Variants in SART3 observed in about 807,000 individuals in gnomAD.
The protein encoded by SART3 is spliceosome associated factor 3, U4/U6 recycling protein.
A neutral mutation model predicts 122.3 loss-of-function variants in SART3; 44 were observed. That is an observed-to-expected ratio of 0.36 (90% confidence interval 0.28 to 0.46). SART3 has a LOEUF of 0.46. Ranked by LOEUF, SART3 falls within the 20% of genes least tolerant of loss-of-function variation. The probability of loss-of-function intolerance (pLI) is 1.00; values close to 1 mark genes in which losing one functional copy is unlikely to be tolerated. For missense variants in SART3, 1,101 were observed against 1,229.0 expected, an observed-to-expected ratio of 0.90 and a Z score of 1.56; for synonymous variants, 442 against 454.0, an observed-to-expected ratio of 0.97 and a Z score of 0.34.
At chr12:108,537,431 CA>C (rs1209120887) in intron 9 of SART3, 56 bp downstream of exon 9, 2 of 1,393,292 alleles carry the variant, frequency 1.4e-6, no homozygotes, top group African/African-American at 2.8e-5. Context: ...GACATCTCGC[CA>C]AAAGTTGTAT....
At chr12:108,525,979 G>C in intron 16 of SART3, 120 bp downstream of exon 16, 1 of 868,768 alleles carries the variant, frequency 1.2e-6, no homozygotes, top group Non-Finnish European at 1.8e-6. Context: ...TCACAAGGAA[G>C]TTTAGATCCA....
At chr12:108,539,205 A>G (rs933760970) in intron 6 of SART3, 116 bp from the exon 7 acceptor site, 2 of 996,312 alleles carry the variant, frequency 2.0e-6, no homozygotes, top group African/African-American at 1.6e-5. Flanking sequence ...CCAAATCCTC[A>G]CTCTCAGAAC....
chr12:108,552,971 T>C (rs2030070468), intron 1 of SART3, among the ~76,000 whole-genome samples: 1 of 152,036 alleles, frequency 6.6e-6, no homozygotes, highest in Non-Finnish European at 1.5e-5. Flanking sequence ...ATCAAGGCAG[T>C]GTGAGAATGG....
chr12:108,552,345 AAAGTCCTAT>A (rs1284383387), intron 1 of SART3, among the ~76,000 whole-genome samples: 1 of 152,146 alleles, frequency 6.6e-6, no homozygotes, highest in Non-Finnish European at 1.5e-5. Flanking sequence ...CTTTTCCAAC[AAAGTCCTAT>A]AAGTTCTAGC....
At chr12:108,543,506 A>G (rs1457417742) in intron 5 of SART3, among the ~76,000 whole-genome samples, 1 of 152,190 alleles carries the variant, frequency 6.6e-6, no homozygotes, top group Non-Finnish European at 1.5e-5. Flanking sequence ...AGTTGAGGAA[A>G]CTGAAGCAGA....
At chr12:108,534,655 A>T (rs1433310094) in intron 12 of SART3, among the ~76,000 whole-genome samples, 1 of 152,218 alleles carries the variant, frequency 6.6e-6, no homozygotes, top group Non-Finnish European at 1.5e-5. Context: ...AGCCTGGGCA[A>T]CAGAGTGAGA....
chr12:108,528,656 G>C (rs1463131785), intron 15 of SART3, among the ~76,000 whole-genome samples: 2 of 152,156 alleles, frequency 1.3e-5, no homozygotes, highest in Non-Finnish European at 2.9e-5. Flanking sequence ...AGAAGCAAGG[G>C]TGTCCATGCA....
chr12:108,541,333 G>T (rs1260510081), intron 6 of SART3, among the ~76,000 whole-genome samples: 2 of 151,964 alleles, frequency 1.3e-5, no homozygotes, highest in Non-Finnish European at 1.5e-5. Flanking sequence ...CTTGAACCTG[G>T]CGGGGCGGAA....
At chr12:108,538,913 A>G (rs1290071645) in intron 7 of SART3, 21 bp downstream of exon 7, 1 of 1,614,114 alleles carries the variant, frequency 6.2e-7, no homozygotes. Flanking sequence ...AAATAAAATG[A>G]AATTAGAACA....
intron 1 of SART3, 31 bp downstream of exon 1, chr12:108,560,812 G>A (rs562136613): frequency 1.3e-6 from 2 of 1,563,240 alleles, no homozygotes; most frequent in African/African-American, 2.7e-5. Flanking sequence ...TGAAAGACTG[G>A]AAGATGCCCG....
intron 1 of SART3, among the ~76,000 whole-genome samples, chr12:108,550,652 G>A (rs962103169): frequency 6.6e-5 from 10 of 152,172 alleles, no homozygotes; most frequent in African/African-American, 2.4e-4. Context: ...CATGAGGTCA[G>A]GAGTTCAAGA....
rs1470688764 is a variant in SART3, at chr12:108,544,853, C to A, written c.729+286G>T. On this transcript the variant is annotated intron_variant, in intron 4 of 18. Coordinates refer to ENST00000546815, the MANE Select transcript of SART3 (RefSeq NM_014706.4). ...CTGCTGGAATTACAAGCATGAGCCACCGCACTTGGCCAACTCTGGTTCTTT... is the reference window on the plus strand; with the variant it reads ...CTGCTGGAATTACAAGCATGAGCCAACGCACTTGGCCAACTCTGGTTCTTT... 5 of 573,108 alleles carry A rather than the reference C, an allele frequency of 8.7e-6. No individual in the cohort carries two copies. In the African/African-American group the frequency reaches 9.4e-5, roughly 11 times the overall value. 35.5% of individuals were successfully genotyped at this position (573,108 alleles called of 1,614,324 possible).
At chr12:108,528,701 C>T (rs1872514427) in intron 15 of SART3, among the ~76,000 whole-genome samples, 1 of 152,060 alleles carries the variant, frequency 6.6e-6, no homozygotes, top group Non-Finnish European at 1.5e-5. Context: ...GGAGACCAAA[C>T]AGGGTGGGGA....
chr12:108,543,157 T>G lies in SART3; in HGVS notation c.782-5A>C. 1 of 1,614,118 alleles carries G rather than the reference T, an allele frequency of 6.2e-7. No individual in the cohort carries two copies. The highest frequency in any genetic ancestry group is 1.3e-5 in the African/African-American group (1 of 75,054). The stretch of plus-strand genomic sequence containing the variant: ...CTGCAAATGTGGCCTCCATATCTAT[T>G]GAAAGATGGATTCAGCCCCGTGGGT... On this transcript the variant is annotated splice_region_variant and splice_polypyrimidine_tract_variant and intron_variant, in intron 5 of 18. Coordinates refer to ENST00000546815, the MANE Select transcript of SART3 (RefSeq NM_014706.4).
At chr12:108,535,223 A>G (rs1872851896) in intron 12 of SART3, 136 bp downstream of exon 12, 1 of 746,632 alleles carries the variant, frequency 1.3e-6, no homozygotes, top group Admixed American at 1.8e-5. Flanking sequence ...AAATGTACCC[A>G]CTACTGAAAG....
chr12:108,523,709 A>G (rs767924655), intron 18 of SART3, 75 bp from the exon 19 acceptor site: 39 of 1,351,230 alleles, frequency 2.9e-5, no homozygotes, highest in Non-Finnish European at 3.9e-5. Context: ...AAAATAAGCC[A>G]AGACAGTTTT....
intron 1 of SART3, among the ~76,000 whole-genome samples, chr12:108,558,269 G>A (rs576562176): frequency 2.2e-4 from 33 of 152,316 alleles, no homozygotes; most frequent in Admixed American, 2.0e-4. Flanking sequence ...ATTATGCTCC[G>A]CCATAAAAGC....
intron 7 of SART3, 150 bp from the exon 8 acceptor site, chr12:108,538,353 T>A (rs936807934): frequency 4.3e-6 from 4 of 925,810 alleles, no homozygotes; most frequent in Non-Finnish European, 6.7e-6. Flanking sequence ...AAAAAATCAC[T>A]AAGGGGAGTG....
Position 108,532,327 on chromosome 12 carries a change from C to T in SART3, c.1564G>A (p.Gly522Ser). ...LEYYNLERAHGDTQHCRKALH... is the reference protein window; with the variant it reads ...LEYYNLERAHSDTQHCRKALH... ...GCCTTCCGGCAGTGCTGGGTGTCACCATGAGCTCTAAGGCAGAAAACAAAA... is the reference window on the plus strand; with the variant it reads ...GCCTTCCGGCAGTGCTGGGTGTCACTATGAGCTCTAAGGCAGAAAACAAAA... The change falls in exon 13 of 19, where the codon GGT (glycine) becomes AGT (serine). Residue 522 changes from glycine to serine, a missense_variant. Transcript: ENST00000546815. 1 of 1,613,912 alleles carries T rather than the reference C, an allele frequency of 6.2e-7. No homozygotes were observed.
Sources: gnomAD v4.1 joint callset for allele counts (sites outside exome capture counted in the v4.1 genomes callset) on GRCh38, gnomAD v4.1.1 for gene constraint, MANE v1.5 for transcripts, NCBI Gene and HGNC (gene_info 2026-07-23, HGNC 2026-07-21) for gene names.